Variants in NTF3 observed in about 807,000 individuals in gnomAD.
NTF3 encodes the protein neurotrophin 3.
A neutral mutation model predicts 26.3 loss-of-function variants in NTF3; 8 were observed. That is an observed-to-expected ratio of 0.30 (90% CI 0.18 to 0.55). The LOEUF (loss-of-function observed/expected upper bound fraction) is 0.55, where lower values mean the gene tolerates loss of function less well. Among genes scored for constraint, NTF3 ranks in the 20% least tolerant of loss-of-function variants. The probability of loss-of-function intolerance (pLI) is 0.93; values close to 1 mark genes in which losing one functional copy is unlikely to be tolerated. For synonymous variants in NTF3, 154 were observed against 145.5 expected, an observed-to-expected ratio of 1.06 and a Z score of -0.42; for missense variants, 276 against 352.9, an observed-to-expected ratio of 0.78 and a Z score of 1.75.
At chr12:5,463,363 G>T (rs1940547319) in intron 1 of NTF3, among the ~76,000 whole-genome samples, 1 of 152,134 alleles carries the variant, frequency 6.6e-6, no homozygotes. Context: ...GTCATGAGAG[G>T]TAAACAAATA....
intron 1 of NTF3, among the ~76,000 whole-genome samples, chr12:5,487,242 G>A (rs549289040): frequency 2.6e-5 from 4 of 152,312 alleles, no homozygotes; most frequent in East Asian, 3.9e-4. Flanking sequence ...TCCCTGGAGC[G>A]GCTGGCGCAC....
chr12:5,440,823 C>T (rs758921821), intron 1 of NTF3, among the ~76,000 whole-genome samples: 7 of 152,256 alleles, frequency 4.6e-5, no homozygotes, highest in Non-Finnish European at 1.0e-4. Context: ...GCTCCCTCGG[C>T]CCCACACTGT....
At chr12:5,486,735 A>G (rs1416511445) in intron 1 of NTF3, among the ~76,000 whole-genome samples, 1 of 152,204 alleles carries the variant, frequency 6.6e-6, no homozygotes, top group Non-Finnish European at 1.5e-5. Flanking sequence ...GATTGGAGTA[A>G]TCCAGACACA....
rs1368317714 is a variant in NTF3 at position 5,494,949 on chromosome 12, C to G, written c.774C>G (p.Ser258=). 2 of 1,614,088 alleles carry G rather than the reference C, an allele frequency of 1.2e-6. No individual in the cohort carries two copies. Among genetic ancestry groups the G allele is most frequent in the South Asian group, 1.1e-5 (1 of 91,060 alleles). The part of the protein sequence containing the change: ...VGWRWIRIDT[S]CVCALSRKIG... ...GGCGGTGGATACGGATAGACACGTC[C>G]TGTGTGTGTGCCTTGTCGAGAAAAA... The change falls in exon 2 of 2, where the codon TCC becomes TCG. Residue 258 remains serine, a synonymous_variant. Transcript: ENST00000423158. This position sits in a 1 kb window ranked among gnomAD's most constrained non-coding sequence, Gnocchi z 8.3.
intron 1 of NTF3, among the ~76,000 whole-genome samples, chr12:5,449,306 C>T (rs1940345087): frequency 6.6e-6 from 1 of 152,216 alleles, no homozygotes; most frequent in Non-Finnish European, 1.5e-5. Context: ...TCAGCCCCTC[C>T]CAGGACATCG....
At chr12:5,458,862 C>T (rs1036160076) in intron 1 of NTF3, among the ~76,000 whole-genome samples, 1 of 152,074 alleles carries the variant, frequency 6.6e-6, no homozygotes, top group Admixed American at 6.5e-5. Flanking sequence ...AGCAAGCACA[C>T]ATACACACAC....
chr12:5,441,468 A>G (rs1054904343), intron 1 of NTF3, among the ~76,000 whole-genome samples: 1 of 152,138 alleles, frequency 6.6e-6, no homozygotes, highest in African/African-American at 2.4e-5. Flanking sequence ...TATTAAAATC[A>G]TTGCTTAACC....
chr12:5,483,799 A>C (rs902238541), intron 1 of NTF3, among the ~76,000 whole-genome samples: 1 of 152,220 alleles, frequency 6.6e-6, no homozygotes, highest in Non-Finnish European at 1.5e-5. Context: ...GAGACCAAGG[A>C]ATGAAAAAGC....
rs533393107 is a variant in NTF3 at position 5,440,275 on chromosome 12, T to C, written c.18+7933T>C. 1.1e-4 allele frequency among the ~76,000 whole-genome samples: 17 copies of C among 152,362 alleles called. No homozygotes were observed. The South Asian group carries it at 3.5e-3, about 32-fold the overall frequency. ...AGGTACTCAAAAATTATGTATTTAC[T>C]TTGCTTAAAATAACCTTTCATGTGT... On this transcript the variant is annotated intron_variant, in intron 1 of 1. Coordinates refer to ENST00000423158, the MANE Select transcript of NTF3 (RefSeq NM_001102654.2).
chr12:5,432,280 C>T lies in NTF3; in HGVS notation c.-45C>T. ...TTTGAATGACCGAGCTCGCGTCCAC[C>T]TTTCTCTTCATGTCGACGTCCCTGG... On this transcript the variant is annotated 5_prime_UTR_variant, in exon 1 of 2. Transcript: ENST00000423158. The T allele has an allele frequency of 6.2e-7, 1 of 1,612,756 alleles. No individual in the cohort carries two copies. Among genetic ancestry groups the T allele is most frequent in the East Asian group, 2.2e-5 (1 of 44,848 alleles).
intron 1 of NTF3, among the ~76,000 whole-genome samples, chr12:5,490,626 A>G (rs1052245510): frequency 4.6e-5 from 7 of 152,234 alleles, no homozygotes; most frequent in Non-Finnish European, 1.5e-5. Context: ...TTGGTGGCCA[A>G]AAAGTGACCA....
chr12:5,458,236 TC>T (rs1440082393), intron 1 of NTF3, among the ~76,000 whole-genome samples: 1 of 152,154 alleles, frequency 6.6e-6, no homozygotes, highest in African/African-American at 2.4e-5. Context: ...GCTCTCCTCT[TC>T]CCTGCCACCA....
chr12:5,489,241 G>T (rs940893148), intron 1 of NTF3, among the ~76,000 whole-genome samples: 2 of 152,212 alleles, frequency 1.3e-5, no homozygotes, highest in African/African-American at 2.4e-5. Flanking sequence ...AGGATTGATG[G>T]CCTCAAATCT....
At chr12:5,468,370 T>C (rs1269336648) in intron 1 of NTF3, among the ~76,000 whole-genome samples, 3 of 152,202 alleles carry the variant, frequency 2.0e-5, no homozygotes, top group South Asian at 2.1e-4. Flanking sequence ...CTAGGGCCTT[T>C]TTTTTACTTT....
chr12:5,488,075 A>G (rs142283252), intron 1 of NTF3, among the ~76,000 whole-genome samples: 146 of 152,316 alleles, frequency 9.6e-4, no homozygotes, highest in African/African-American at 3.4e-3. Context: ...CAGAGCTAGC[A>G]GGGAAGAAGG....
intron 1 of NTF3, among the ~76,000 whole-genome samples, chr12:5,447,336 G>A (rs1478443649): frequency 1.3e-5 from 2 of 152,170 alleles, no homozygotes; most frequent in Non-Finnish European, 2.9e-5. Context: ...GTTTACTATC[G>A]TATTAAGGAC....
At chr12:5,454,587 G>A (rs1273121982) in intron 1 of NTF3, among the ~76,000 whole-genome samples, 2 of 152,224 alleles carry the variant, frequency 1.3e-5, no homozygotes, top group Non-Finnish European at 2.9e-5. Context: ...TCTTTGGGGT[G>A]AGGAGGCCTA....
chr12:5,469,441 A>C (rs1462341847), intron 1 of NTF3, among the ~76,000 whole-genome samples: 3 of 152,096 alleles, frequency 2.0e-5, no homozygotes, highest in Non-Finnish European at 2.9e-5. Flanking sequence ...GAAAGACAGA[A>C]CTGCACTGGC....
intron 1 of NTF3, among the ~76,000 whole-genome samples, chr12:5,446,077 G>A (rs1341519733): frequency 6.6e-6 from 1 of 152,132 alleles, no homozygotes; most frequent in East Asian, 1.9e-4. Flanking sequence ...CTATTTATAT[G>A]TGTCATCGTA....
Sources: allele counts gnomAD v4.1 joint callset (sites outside exome capture counted in the v4.1 genomes callset), GRCh38; gene constraint gnomAD v4.1.1; non-coding constraint Gnocchi (gnomAD v3.1); transcripts MANE v1.5; gene names NCBI Gene and HGNC (gene_info 2026-07-23, HGNC 2026-07-21).